Variants in MYO16 observed in about 807,000 individuals in gnomAD.
MYO16 encodes the protein unconventional myosin-XVI.
A neutral mutation model predicts 205.3 loss-of-function variants in MYO16; 94 were observed. The ratio of observed to expected loss-of-function variants is 0.46; its 90% CI spans 0.39 to 0.54. The LOEUF is 0.54. Among genes scored for constraint, MYO16 ranks in the 20% least tolerant of loss-of-function variants. The pLI, the probability that MYO16 is intolerant of heterozygous loss-of-function variation, is 0.00. For synonymous variants in MYO16, 988 were observed against 954.0 expected, an observed-to-expected ratio of 1.04 and a Z score of -0.66; for missense variants, 2,315 against 2,387.5, an observed-to-expected ratio of 0.97 and a Z score of 0.63.
chr13:108,997,913 C>T (rs61970163), intron 21 of MYO16, among the ~76,000 whole-genome samples: 1 of 152,176 alleles, frequency 6.6e-6, no homozygotes, highest in African/African-American at 2.4e-5. Flanking sequence ...TTTCATCAGA[C>T]TTGTCAAGAA....
At chr13:109,186,632 A>AC (rs71125373) in intron 34 of MYO16, among the ~76,000 whole-genome samples, 1 of 152,142 alleles carries the variant, frequency 6.6e-6, no homozygotes, top group Non-Finnish European at 1.5e-5. Context: ...ACACACACAC[A>AC]AACACACACA....
chr13:108,673,631 T>A (rs936196353), intron 2 of MYO16, among the ~76,000 whole-genome samples: 3 of 152,170 alleles, frequency 2.0e-5, no homozygotes, highest in African/African-American at 7.2e-5. Flanking sequence ...CTTAGTTGGT[T>A]ACCTCTTCTA....
intron 23 of MYO16, among the ~76,000 whole-genome samples, chr13:109,041,730 A>T (rs907017350): frequency 1.3e-5 from 2 of 152,220 alleles, no homozygotes; most frequent in Non-Finnish European, 2.9e-5. Flanking sequence ...ATCATTTCTT[A>T]CAACTGTATA....
chr13:108,810,152 G>A (rs541271410), intron 7 of MYO16, among the ~76,000 whole-genome samples: 10 of 152,282 alleles, frequency 6.6e-5, no homozygotes, highest in Admixed American at 2.6e-4. Flanking sequence ...CCTCTGCTTC[G>A]CTAGACTTGC....
chr13:109,036,404 G>A (rs1337998874), intron 23 of MYO16, among the ~76,000 whole-genome samples: 1 of 152,060 alleles, frequency 6.6e-6, no homozygotes, highest in Non-Finnish European at 1.5e-5. Flanking sequence ...TCACAGACAT[G>A]GTGAAAGTTT....
At chr13:108,522,525 C>T in the MYO16 span, among the ~76,000 whole-genome samples, 57 of 152,248 alleles carry the variant, frequency 3.7e-4, no homozygotes, top group African/African-American at 1.2e-3. Context: ...CATAAATTTA[C>T]TGTCTCATAA....
chr13:109,018,016 G>A (rs1885887558), intron 22 of MYO16, among the ~76,000 whole-genome samples: 1 of 152,156 alleles, frequency 6.6e-6, no homozygotes, highest in Non-Finnish European at 1.5e-5. Context: ...TGCTGGTGAG[G>A]AGCTGTGATC....
At chr13:109,204,030 G>A (rs993066108) in intron 34 of MYO16, among the ~76,000 whole-genome samples, 4 of 152,076 alleles carry the variant, frequency 2.6e-5, no homozygotes, top group African/African-American at 7.2e-5. Flanking sequence ...AAATGTCCCC[G>A]GGAGGAAAAA....
intron 4 of MYO16, among the ~76,000 whole-genome samples, chr13:108,738,050 G>T (rs965040347): frequency 2.0e-5 from 3 of 152,026 alleles, no homozygotes; most frequent in Non-Finnish European, 2.9e-5. Context: ...CTTGCTAGTG[G>T]TCTATCAATT....
intron 33 of MYO16, among the ~76,000 whole-genome samples, chr13:109,171,090 G>A (rs1242267514): frequency 6.6e-6 from 1 of 152,184 alleles, no homozygotes; most frequent in Non-Finnish European, 1.5e-5. Context: ...CTTTCCCCAT[G>A]ATTTTTAAAA....
chr13:108,720,179 G>A (rs1884105873), intron 3 of MYO16, among the ~76,000 whole-genome samples: 2 of 152,160 alleles, frequency 1.3e-5, no homozygotes, highest in Non-Finnish European at 2.9e-5. Flanking sequence ...GCAAAAATAA[G>A]TATGTTCAAG....
At chr13:108,775,974 T>C (rs1886112036) in intron 4 of MYO16, among the ~76,000 whole-genome samples, 1 of 152,080 alleles carries the variant, frequency 6.6e-6, no homozygotes, top group Admixed American at 6.6e-5. Flanking sequence ...AATCCCTGAG[T>C]CTCAAAGGGG....
chr13:109,008,985 G>A lies in MYO16; in HGVS notation c.2531G>A (p.Gly844Glu). The A allele has an allele frequency of 1.2e-6, 2 of 1,610,970 alleles. No individual in the cohort carries two copies. The highest frequency in any genetic ancestry group is 1.7e-6 in the Non-Finnish European group (2 of 1,178,952). The change falls in exon 22 of 35, where the codon GGA becomes GAA. Residue 844 changes from glycine to glutamate, a missense_variant. Physicochemically the swap from Gly to Glu is moderately conservative, Grantham distance 98 (BLOSUM62 -2). Around this residue, in one of 3 missense-constraint regions of MYO16, gnomAD observed 1,213 missense variants for 1,274.4 expected, o/e 0.95. Transcript: ENST00000457511. ...LHEQVECVQE[G>E]VTMETAYSPG... ...GAGCAAGTGGAATGTGTACAAGAGG[G>A]AGTTACCATGGAAACAGCATATTCT...
At chr13:109,083,504 G>T (rs1388725713) in intron 27 of MYO16, among the ~76,000 whole-genome samples, 2 of 151,412 alleles carry the variant, frequency 1.3e-5, no homozygotes, top group East Asian at 1.9e-4. Context: ...TGTACTGAGG[G>T]TGCTGGGTAG....
At chr13:108,721,631 G>A (rs1884167292) in intron 3 of MYO16, among the ~76,000 whole-genome samples, 1 of 152,166 alleles carries the variant, frequency 6.6e-6, no homozygotes, top group South Asian at 2.1e-4. Context: ...GGGAGATGAG[G>A]TAGTACATAA....
At chr13:108,763,825 C>G (rs113586629) in intron 4 of MYO16, among the ~76,000 whole-genome samples, 5 of 111,560 alleles carry the variant, frequency 4.5e-5, no homozygotes, top group African/African-American at 1.9e-4. Flanking sequence ...GTGTGTGTGT[C>G]GTGTATGTAT....
intron 2 of MYO16, among the ~76,000 whole-genome samples, chr13:108,684,244 G>A (rs993663854): frequency 6.6e-6 from 1 of 152,176 alleles, no homozygotes; most frequent in Admixed American, 6.5e-5. Context: ...CAACCCCTAG[G>A]GCATTCTCTT....
chr13:109,043,807 T>G (rs1485654504), intron 23 of MYO16, among the ~76,000 whole-genome samples: 1 of 151,902 alleles, frequency 6.6e-6, no homozygotes, highest in African/African-American at 2.4e-5. Context: ...GCAGTGAACA[T>G]GAGGAAGGAG....
intron 4 of MYO16, among the ~76,000 whole-genome samples, chr13:108,780,330 G>A (rs1886261193): frequency 6.8e-6 from 1 of 147,824 alleles, no homozygotes; most frequent in Non-Finnish European, 1.5e-5. Context: ...TCTCAGGTAT[G>A]TTAGTCATAA....
Sources: gnomAD v4.1 joint callset for allele counts (sites outside exome capture counted in the v4.1 genomes callset) on GRCh38, gnomAD v4.1.1 for gene constraint, gnomAD v4.1.1 regional missense constraint, MANE v1.5 for transcripts, NCBI Gene and HGNC (gene_info 2026-07-23, HGNC 2026-07-21) for gene names.